Variants in FMO5 observed in about 807,000 individuals in gnomAD.
FMO5 encodes the protein flavin-containing monooxygenase 5.
In FMO5, 51 loss-of-function variants were observed where a neutral mutation model predicts 43.6. That is an observed-to-expected ratio of 1.17 (90% confidence interval 0.93 to 1.48). The LOEUF is 1.48. Ranked by LOEUF, FMO5 falls within the 40% of genes most tolerant of loss-of-function variation. FMO5 has a pLI of 0.00. For synonymous variants in FMO5, 187 were observed against 216.5 expected, an observed-to-expected ratio of 0.86 and a Z score of 1.20; for missense variants, 644 against 643.0, an observed-to-expected ratio of 1.00 and a Z score of -0.02.
intron 6 of FMO5, among the ~76,000 whole-genome samples, chr1:147,206,714 G>C (rs1471161914): frequency 4.6e-5 from 7 of 152,116 alleles, no homozygotes; most frequent in Admixed American, 3.3e-4. Flanking sequence ...ACTGAACAAT[G>C]AGAACACTTG....
upstream of FMO5, among the ~76,000 whole-genome samples, chr1:147,226,838 C>CTTTT (rs35603968): frequency 7.3e-3 from 1,085 of 149,018 alleles, 14 homozygotes; most frequent in African/African-American, 0.025. Flanking sequence ...AACTGTCGAA[C>CTTTT]TTTTTTTTTT....
At chr1:147,219,162 C>T (rs1387281285) in intron 2 of FMO5, among the ~76,000 whole-genome samples, 1 of 152,118 alleles carries the variant, frequency 6.6e-6, no homozygotes, top group African/African-American at 2.4e-5. Flanking sequence ...TGTGCAGGAA[C>T]ATTAAAAATG....
At chr1:147,192,303 C>T (rs1453483550) in intron 7 of FMO5, among the ~76,000 whole-genome samples, 1 of 151,976 alleles carries the variant, frequency 6.6e-6, no homozygotes, top group Non-Finnish European at 1.5e-5. Context: ...CATGATTTGG[C>T]TCTCTGTTTG....
chr1:147,193,057 T>C (rs1657204817), intron 7 of FMO5, among the ~76,000 whole-genome samples: 1 of 152,172 alleles, frequency 6.6e-6, no homozygotes, highest in Non-Finnish European at 1.5e-5. Flanking sequence ...TCTTTTTCTA[T>C]TGATTGGAAT....
chr1:147,219,754 TAAGAAAAA>T (rs1432363905), intron 2 of FMO5, among the ~76,000 whole-genome samples: 1 of 143,794 alleles, frequency 7.0e-6, no homozygotes, highest in Non-Finnish European at 1.5e-5. Context: ...AAAAAAAAAG[TAAGAAAAA>T]AAGAAAAAAA....
At chr1:147,218,427 C>CA (rs1662400005) in intron 2 of FMO5, among the ~76,000 whole-genome samples, 1 of 151,622 alleles carries the variant, frequency 6.6e-6, no homozygotes, top group South Asian at 2.1e-4. Context: ...TTAGTAGAGA[C>CA]GGGTTTCACC....
intron 6 of FMO5, chr1:147,204,284 C>G: frequency 1.0e-6 from 1 of 991,484 alleles, no homozygotes; most frequent in Non-Finnish European, 1.6e-6. Context: ...CCATGCAATA[C>G]TGAAGAGGAA....
intron 7 of FMO5, among the ~76,000 whole-genome samples, chr1:147,191,136 A>G (rs1322695097): frequency 6.6e-6 from 1 of 152,182 alleles, no homozygotes; most frequent in African/African-American, 2.4e-5. Context: ...TAGTGCCGCA[A>G]TAAACATACG....
chr1:147,198,370 A>G (rs1658364475), intron 7 of FMO5, among the ~76,000 whole-genome samples: 1 of 152,134 alleles, frequency 6.6e-6, no homozygotes, highest in African/African-American at 2.4e-5. Flanking sequence ...CTATATTACA[A>G]AGGGAGGGAA....
At chr1:147,203,903 AT>A in intron 6 of FMO5, 2 of 1,571,858 alleles carry the variant, frequency 1.3e-6, no homozygotes, top group South Asian at 1.1e-5. Flanking sequence ...TCAGTGTCCC[AT>A]TTCTTCAAGG....
chr1:147,214,016 TAAAG>T (rs1360843500), intron 3 of FMO5, among the ~76,000 whole-genome samples: 7 of 152,018 alleles, frequency 4.6e-5, no homozygotes, highest in Non-Finnish European at 8.8e-5. Context: ...CAAAGAACTA[TAAAG>T]AAAGAGGCTG....
intron 6 of FMO5, chr1:147,203,126 TG>T: frequency 2.0e-6 from 1 of 507,512 alleles, no homozygotes; most frequent in Non-Finnish European, 3.4e-6. Flanking sequence ...TTTTTTTTTT[TG>T]ACAGTAACAA....
At chr1:147,207,989 T>A (rs1236176897) in intron 6 of FMO5, among the ~76,000 whole-genome samples, 1 of 152,198 alleles carries the variant, frequency 6.6e-6, no homozygotes, top group Non-Finnish European at 1.5e-5. Context: ...TTCTTCAGCC[T>A]CTCAGCTTCC....
rs1017452389 is a variant in FMO5 at position 147,190,404 on chromosome 1, C to A, written c.1184-155G>T. Among the ~76,000 whole-genome samples, 13 of 152,240 alleles carry A rather than the reference C, an allele frequency of 8.5e-5. No individual in the cohort carries two copies. In the East Asian group the frequency reaches 2.5e-3, roughly 29 times the overall value. ...ATTCACTTGATCACCTTACCACCAC[C>A]ACAATATAATATTAACATCTGCAGC... On this transcript the variant is annotated intron_variant, in intron 7 of 8. Transcript: ENST00000254090.
At chr1:147,215,659 C>T in intron 3 of FMO5, 95 bp downstream of exon 3, 1 of 897,102 alleles carries the variant, frequency 1.1e-6, no homozygotes. Context: ...GCAAATCAAG[C>T]CAATCTTTAG....
intron 8 of FMO5, among the ~76,000 whole-genome samples, chr1:147,187,544 C>T (rs1313542888): frequency 6.6e-6 from 1 of 152,018 alleles, no homozygotes; most frequent in Non-Finnish European, 1.5e-5. Context: ...GTGAAAGATA[C>T]AGATAAGATG....
intron 6 of FMO5, among the ~76,000 whole-genome samples, chr1:147,206,684 G>T (rs1394350514): frequency 6.6e-6 from 1 of 152,078 alleles, no homozygotes; most frequent in African/African-American, 2.4e-5. Flanking sequence ...AACACTGCAT[G>T]TTCTCACTCA....
intron 4 of FMO5, 26 bp from the exon 5 acceptor site, chr1:147,212,561 TG>T: frequency 6.2e-7 from 1 of 1,603,136 alleles, no homozygotes; most frequent in Non-Finnish European, 8.5e-7. Context: ...AAATAATTAT[TG>T]GGTAATGGTT....
intron 6 of FMO5, among the ~76,000 whole-genome samples, chr1:147,202,071 T>A (rs1380861543): frequency 5.9e-5 from 9 of 152,330 alleles, no homozygotes; most frequent in Admixed American, 5.9e-4. Flanking sequence ...AATTGAGGCC[T>A]AGAAAAGTTA....
Sources: gnomAD v4.1 joint callset for allele counts (sites outside exome capture counted in the v4.1 genomes callset) on GRCh38, gnomAD v4.1.1 for gene constraint, MANE v1.5 for transcripts, NCBI Gene and HGNC (gene_info 2026-07-23, HGNC 2026-07-21) for gene names.